Variants in OLA1 observed in about 807,000 individuals in gnomAD.
The protein encoded by OLA1 is Obg like ATPase 1, also known as obg-like ATPase 1.
In OLA1, 14 loss-of-function variants were observed where a neutral mutation model predicts 48.4. The observed-to-expected ratio is 0.29, with a 90% CI of 0.19 to 0.45. The LOEUF (loss-of-function observed/expected upper bound fraction) is 0.45, where lower values mean the gene tolerates loss of function less well. OLA1 is among the 20% of genes least tolerant of loss of function. The pLI is 1.00. For missense variants in OLA1, 325 were observed against 467.1 expected, an observed-to-expected ratio of 0.70 and a Z score of 2.80; for synonymous variants, 127 against 150.4, an observed-to-expected ratio of 0.84 and a Z score of 1.14.
chr2:174,210,321 G>A (rs1688212836), intron 4 of OLA1, among the ~76,000 whole-genome samples: 1 of 152,046 alleles, frequency 6.6e-6, no homozygotes, highest in African/African-American at 2.4e-5. Flanking sequence ...CTGGAGACTG[G>A]GAACAGGGGC....
chr2:174,117,037 T>C (rs997235611), intron 7 of OLA1, among the ~76,000 whole-genome samples: 19 of 152,052 alleles, frequency 1.2e-4, no homozygotes, highest in African/African-American at 4.3e-4. Context: ...AAGCTGCAAA[T>C]GGTGAAGTTA....
rs184613348 is a variant in OLA1, at chr2:174,221,133, T to A, written c.373+1900A>T. Among the ~76,000 whole-genome samples the A allele has an allele frequency of 5.9e-5, 9 of 152,300 alleles. No individual in the cohort carries two copies. The East Asian group carries it at 1.7e-3, about 29-fold the overall frequency. On this transcript the variant is annotated intron_variant, in intron 4 of 10. Transcript: ENST00000284719. ...TTCTAAGATGCGTATTTTGGCACTTTCACATTCTGAGATCAATCATACTAA... is the reference window on the plus strand; with the variant it reads ...TTCTAAGATGCGTATTTTGGCACTTACACATTCTGAGATCAATCATACTAA...
chr2:174,186,841 G>A (rs904288794), intron 4 of OLA1, among the ~76,000 whole-genome samples: 12 of 152,110 alleles, frequency 7.9e-5, no homozygotes, highest in Admixed American at 6.5e-4. Flanking sequence ...AGTGTGAAAC[G>A]TCCTGCAGGA....
chr2:174,135,176 A>AAAG (rs1355310585), intron 5 of OLA1, among the ~76,000 whole-genome samples: 2 of 151,562 alleles, frequency 1.3e-5, no homozygotes, highest in Admixed American at 6.6e-5. Context: ...AAAAAAAAAA[A>AAAG]AAAGAAATGG....
At chr2:174,145,869 T>C (rs551897734) in intron 4 of OLA1, among the ~76,000 whole-genome samples, 1 of 152,292 alleles carries the variant, frequency 6.6e-6, no homozygotes, top group Admixed American at 6.5e-5. Context: ...ATGATACAGT[T>C]TTTGTGAAAT....
chr2:174,239,714 C>CAAAAAAAA (rs35332033), intron 2 of OLA1, among the ~76,000 whole-genome samples: 1 of 60,632 alleles, frequency 1.6e-5, no homozygotes, highest in Non-Finnish European at 2.9e-5. Context: ...CCCATCTCTA[C>CAAAAAAAA]AAAAAAAAAA....
At chr2:174,203,799 ATTTTT>A (rs35167847) in intron 4 of OLA1, among the ~76,000 whole-genome samples, 1 of 142,910 alleles carries the variant, frequency 7.0e-6, no homozygotes, top group Non-Finnish European at 1.5e-5. Flanking sequence ...ACGGAGTAGG[ATTTTT>A]TTTTTTTTTT....
At chr2:174,154,148 C>T (rs889754808) in intron 4 of OLA1, among the ~76,000 whole-genome samples, 1 of 152,124 alleles carries the variant, frequency 6.6e-6, no homozygotes, top group Non-Finnish European at 1.5e-5. Context: ...TGGGATTACA[C>T]GTGAGCTGCT....
intron 2 of OLA1, among the ~76,000 whole-genome samples, chr2:174,236,828 A>G (rs1688861773): frequency 6.6e-6 from 1 of 152,114 alleles, no homozygotes; most frequent in Non-Finnish European, 1.5e-5. Context: ...ATACATATAA[A>G]AGTGAAATAG....
In OLA1 at chr2:174,229,352, TG is replaced by T. The variant is rs1204381920; in HGVS notation, c.200del (p.Pro67GlnfsTer22). The stretch of plus-strand genomic sequence containing the variant: ...GACAAAGAAAGTCAAACCTTTCATC[TG>T]GCACAGGTACTCTGCTCTCATTAGG... ...IDPNESRVPV[P>X]DERFDFLCQY... is the part of the protein sequence containing the mutation. On this transcript the variant is annotated frameshift_variant, in exon 3 of 11. Coordinates refer to ENST00000284719, the MANE Select transcript of OLA1 (RefSeq NM_013341.5). LOFTEE classifies it high-confidence loss of function. 1 of 1,612,708 alleles carries T rather than the reference TG, an allele frequency of 6.2e-7. No individual in the cohort carries two copies. Among genetic ancestry groups the T allele is most frequent in the African/African-American group, 1.3e-5 (1 of 74,902 alleles).
intron 7 of OLA1, among the ~76,000 whole-genome samples, chr2:174,090,244 T>G (rs937847894): frequency 2.6e-5 from 4 of 152,188 alleles, no homozygotes; most frequent in African/African-American, 9.7e-5. Flanking sequence ...ACTTTCTGTT[T>G]TGAGGATTAA....
intron 4 of OLA1, among the ~76,000 whole-genome samples, chr2:174,168,247 C>A (rs1211225854): frequency 1.3e-5 from 2 of 152,128 alleles, no homozygotes. Flanking sequence ...GAAATCCCCA[C>A]CTCTTTGATT....
chr2:174,086,437 G>A (rs1213976569), intron 7 of OLA1, among the ~76,000 whole-genome samples: 1 of 152,156 alleles, frequency 6.6e-6, no homozygotes, highest in African/African-American at 2.4e-5. Context: ...AAGATCCTCA[G>A]TGGATGCCTA....
chr2:174,184,373 C>T (rs1006140192), intron 4 of OLA1, among the ~76,000 whole-genome samples: 1 of 151,978 alleles, frequency 6.6e-6, no homozygotes, highest in African/African-American at 2.4e-5. Context: ...TCCAAAAACC[C>T]ATAACTCCAG....
chr2:174,236,072 G>A (rs1178145804), intron 2 of OLA1, among the ~76,000 whole-genome samples: 3 of 151,852 alleles, frequency 2.0e-5, no homozygotes, highest in South Asian at 2.1e-4. Context: ...ATGCCATACC[G>A]AGGTCCAACA....
chr2:174,119,029 T>C (rs1029436255), intron 7 of OLA1, among the ~76,000 whole-genome samples: 2 of 150,608 alleles, frequency 1.3e-5, no homozygotes, highest in African/African-American at 2.4e-5. Flanking sequence ...GAAAACCAAA[T>C]AGGAATTCAC....
In OLA1 at chr2:174,160,368, G is replaced by T. The variant is rs1182634248; in HGVS notation, c.374-18368C>A. Among the ~76,000 whole-genome samples, 3 of 152,156 alleles carry T rather than the reference G, an allele frequency of 2.0e-5. No homozygotes were observed. In the East Asian group the frequency reaches 5.8e-4, roughly 29 times the overall value. ...TCAGCAAAGTCTTGATTTCAGAAATGCATTAACAAGGCATATAAATGCCAG... is the reference window on the plus strand; with the variant it reads ...TCAGCAAAGTCTTGATTTCAGAAATTCATTAACAAGGCATATAAATGCCAG... On this transcript the variant is annotated intron_variant, in intron 4 of 10. Coordinates refer to ENST00000284719, the MANE Select transcript of OLA1 (RefSeq NM_013341.5).
intron 5 of OLA1, among the ~76,000 whole-genome samples, chr2:174,132,965 T>C (rs1686218727): frequency 6.6e-6 from 1 of 152,210 alleles, no homozygotes; most frequent in Non-Finnish European, 1.5e-5. Context: ...TTTGTTTTGT[T>C]TTGTCTTTCA....
At chr2:174,089,901 C>CAA (rs549770214) in intron 7 of OLA1, among the ~76,000 whole-genome samples, 23 of 53,418 alleles carry the variant, frequency 4.3e-4, no homozygotes, top group Middle Eastern at 0.013. Context: ...GACCCTGTCT[C>CAA]AAAAAAAAAA....
Sources: allele counts gnomAD v4.1 joint callset (sites outside exome capture counted in the v4.1 genomes callset), GRCh38; gene constraint gnomAD v4.1.1; transcripts MANE v1.5; gene names NCBI Gene and HGNC (gene_info 2026-07-23, HGNC 2026-07-21).